The following SLC1A3 variants were observed in gnomAD, a reference collection of about 807,000 sequenced individuals.
SLC1A3 encodes the protein solute carrier family 1 member 3, also known as excitatory amino acid transporter 1.
Under a neutral mutation model 48.1 loss-of-function variants are expected in SLC1A3, and 21 were observed. That is an observed-to-expected ratio of 0.44 (90% CI 0.31 to 0.63). SLC1A3 has a LOEUF of 0.63. Among genes scored for constraint, SLC1A3 ranks in the 20% least tolerant of loss-of-function variants. The pLI, the probability that SLC1A3 is intolerant of heterozygous loss-of-function variation, is 0.08. For missense variants in SLC1A3, 546 were observed against 689.0 expected, an observed-to-expected ratio of 0.79 and a Z score of 2.32; for synonymous variants, 239 against 251.4, an observed-to-expected ratio of 0.95 and a Z score of 0.47.
At position 36,683,764 on chromosome 5, in the gene SLC1A3, T is replaced by C. The variant is rs562378109; in HGVS notation, c.1290-100T>C. The C allele has an allele frequency of 1.5e-4, 204 of 1,319,824 alleles. 3 individuals carry two copies. The East Asian group carries it at 4.6e-3, about 30-fold the overall frequency. 81.8% of individuals were successfully genotyped at this position (1,319,824 alleles called of 1,614,324 possible). On this transcript the variant is annotated intron_variant, in intron 8 of 9. Transcript: ENST00000265113. ...CTGAAGCGCGTCCTCTTGTGTTACA[T>C]GGCAAGTCAGGCATCGGCACCGTGC...
At chr5:36,674,300 G>A (rs1018347566) in intron 5 of SLC1A3, among the ~76,000 whole-genome samples, 2 of 152,134 alleles carry the variant, frequency 1.3e-5, no homozygotes, top group African/African-American at 4.8e-5. Flanking sequence ...CAGACACAGT[G>A]TGTCTTGCAT....
In SLC1A3 at chr5:36,663,253, T is replaced by A. The variant is rs368166735; in HGVS notation, c.320-7776T>A. Among the ~76,000 whole-genome samples the A allele has an allele frequency of 1.4e-4, 22 of 152,228 alleles. No individual in the cohort carries two copies. The South Asian group carries it at 1.9e-3, about 13-fold the overall frequency. The stretch of plus-strand genomic sequence containing the variant: ...TTTTTAGAGACGGAGTCTCGCTCTG[T>A]CCCCCAGGCTGGAGTGCAGTAGCGT... On this transcript the variant is annotated intron_variant, in intron 3 of 9. Transcript: ENST00000265113.
chr5:36,623,500 T>C (rs1388209034), intron 2 of SLC1A3, among the ~76,000 whole-genome samples: 1 of 152,074 alleles, frequency 6.6e-6, no homozygotes, highest in African/African-American at 2.4e-5. Flanking sequence ...TCAATGTGTT[T>C]CAAATAAGTG....
At chr5:36,629,358 C>T in intron 2 of SLC1A3, 92 bp from the exon 3 acceptor site, 1 of 1,101,900 alleles carries the variant, frequency 9.1e-7, no homozygotes, top group South Asian at 1.4e-5. Context: ...ATACAACCAC[C>T]AGCCAAATAC....
chr5:36,597,323 T>C (rs1421648629), intron 1 of SLC1A3, among the ~76,000 whole-genome samples: 2 of 127,920 alleles, frequency 1.6e-5, no homozygotes, highest in Admixed American at 2.0e-4. Flanking sequence ...CTCGGCTCAC[T>C]GCAAGCTCCG....
rs142170758 is a variant in SLC1A3, at chr5:36,646,621, A to G, written c.319+17034A>G. Among the ~76,000 whole-genome samples, 679 of 152,300 alleles carry G rather than the reference A, an allele frequency of 4.5e-3. 6 individuals are homozygous for G. The highest frequency in any genetic ancestry group is 0.016 in the African/African-American group (653 of 41,560). On this transcript the variant is annotated intron_variant, in intron 3 of 9. Coordinates refer to ENST00000265113, the MANE Select transcript of SLC1A3 (RefSeq NM_004172.5). ...CGTCTCCATTTTGATGAAGGCTTGCAGTCAAGGTCCTCAGTGTGTGTTAGA... is the reference window on the plus strand; with the variant it reads ...CGTCTCCATTTTGATGAAGGCTTGCGGTCAAGGTCCTCAGTGTGTGTTAGA...
In SLC1A3 at chr5:36,613,267, C is replaced by T. The variant is rs1271201025; in HGVS notation, c.181+4663C>T. 16 of 182,600 alleles carry T rather than the reference C, an allele frequency of 8.8e-5. No individual in the cohort carries two copies. In the South Asian group the frequency reaches 1.2e-3, roughly 14 times the overall value. The allele number at this position is 182,600 out of a possible 1,614,324, so 11.3% of individuals were successfully genotyped here. A position where few individuals can be genotyped will look rare whatever the true frequency, so the allele number is the denominator to read the frequency against. ...TTCAAGTGAATAAGGATCAGTGAAT[C>T]GGGCTATCCTACTGCATAAATGAGT... On this transcript the variant is annotated intron_variant, in intron 2 of 9. Transcript: ENST00000265113.
chr5:36,618,115 A>G (rs1193567798), intron 2 of SLC1A3, among the ~76,000 whole-genome samples: 1 of 152,208 alleles, frequency 6.6e-6, no homozygotes, highest in Non-Finnish European at 1.5e-5. Flanking sequence ...GTGCATTGGA[A>G]AACTGCAATT....
At chr5:36,606,577 A>C (rs1738947575), upstream of SLC1A3, 2 of 152,192 alleles carry the variant, frequency 1.3e-5, no homozygotes, top group Admixed American at 1.3e-4. Context: ...CCCTTTTCTT[A>C]AGTTGCCCTG....
rs371866521 is a variant in SLC1A3, at chr5:36,680,455, C to T, written c.1155C>T (p.Arg385=). Residue 385 remains arginine, a synonymous_variant, in exon 8 of 10, where the codon CGC becomes CGT. Transcript: ENST00000265113. ...CLEENNGVDK[R]VTRFVLPVGA... Reference sequence around the variant, plus strand: ...AAGAGAACAATGGCGTGGACAAGCGCGTCACCAGATTCGTGCTCCCCGTAG... The same window carrying T: ...AAGAGAACAATGGCGTGGACAAGCGTGTCACCAGATTCGTGCTCCCCGTAG... The T allele has an allele frequency of 2.3e-5, 37 of 1,614,182 alleles. No individual in the cohort carries two copies. Among genetic ancestry groups the T allele is most frequent in the East Asian group, 1.8e-4 (8 of 44,878 alleles).
upstream of SLC1A3, among the ~76,000 whole-genome samples, chr5:36,601,852 G>A (rs762072301): frequency 1.6e-4 from 25 of 151,838 alleles, no homozygotes; most frequent in Non-Finnish European, 3.1e-4. Context: ...TCTTAGAATT[G>A]GAAATGGACT....
chr5:36,622,665 T>G (rs897085395), intron 2 of SLC1A3, among the ~76,000 whole-genome samples: 3 of 152,198 alleles, frequency 2.0e-5, no homozygotes, highest in African/African-American at 7.2e-5. Context: ...GGCTCCAGTG[T>G]GCACGTTGTG....
intron 3 of SLC1A3, among the ~76,000 whole-genome samples, chr5:36,652,917 T>C (rs1398462074): frequency 1.3e-5 from 2 of 152,246 alleles, no homozygotes; most frequent in Non-Finnish European, 2.9e-5. Flanking sequence ...GGTACAATAC[T>C]GAACATTCAA....
chr5:36,614,836 G>T (rs1739365270), intron 2 of SLC1A3, among the ~76,000 whole-genome samples: 1 of 152,162 alleles, frequency 6.6e-6, no homozygotes, highest in African/African-American at 2.4e-5. Context: ...GTTTCCAAGA[G>T]AGTTGGGAAA....
Position 36,679,687 on chromosome 5 carries a change from G to A in SLC1A3, c.921G>A (p.Met307Ile), listed in dbSNP as rs761842691. Residue 307 changes from methionine (M) to isoleucine (I), a missense_variant, in exon 7 of 10, where the codon ATG becomes ATA. By Grantham distance (10) the Met-to-Ile change is conservative (BLOSUM62 1). This residue lies in a region of SLC1A3 where 348 missense variants were observed against 392.0 expected (regional missense o/e 0.89). Coordinates refer to ENST00000265113, the MANE Select transcript of SLC1A3 (RefSeq NM_004172.5). Reference protein sequence around the residue: ...IAGKIVEMEDMGVIGGQLAMY... With the variant: ...IAGKIVEMEDIGVIGGQLAMY... ...GGAAGATTGTGGAGATGGAAGACAT[G>A]GGTGTGATTGGGGGGCAGCTTGCCA... 8.7e-6 allele frequency: 14 copies of A among 1,614,042 alleles called. No individual in the cohort carries two copies. In the South Asian group the frequency reaches 1.4e-4, roughly 16 times the overall value.
intron 2 of SLC1A3, 124 bp downstream of exon 2, chr5:36,608,728 G>A (rs1002372276): frequency 6.7e-7 from 1 of 1,499,508 alleles, no homozygotes; most frequent in Non-Finnish European, 8.8e-7. Flanking sequence ...GCTTTCCTCT[G>A]AACTTGATGA....
chr5:36,647,225 CT>C (rs1274870990), intron 3 of SLC1A3, among the ~76,000 whole-genome samples: 2 of 152,172 alleles, frequency 1.3e-5, no homozygotes, highest in Admixed American at 6.5e-5. Flanking sequence ...TCATTTGCCT[CT>C]TAAAATACTC....
At chr5:36,610,108 C>T (rs1307646423) in intron 2 of SLC1A3, among the ~76,000 whole-genome samples, 1 of 152,116 alleles carries the variant, frequency 6.6e-6, no homozygotes, top group African/African-American at 2.4e-5. Flanking sequence ...AAGCAATTTG[C>T]CCAAAGTGAC....
intron 2 of SLC1A3, among the ~76,000 whole-genome samples, chr5:36,615,976 T>C (rs1331363205): frequency 6.6e-6 from 1 of 152,186 alleles, no homozygotes; most frequent in Non-Finnish European, 1.5e-5. Context: ...GGCGGGTGGA[T>C]TACTACGTCA....
Sources: allele counts gnomAD v4.1 joint callset (sites outside exome capture counted in the v4.1 genomes callset), GRCh38; gene constraint gnomAD v4.1.1; regional missense constraint gnomAD v4.1.1; transcripts MANE v1.5; gene names NCBI Gene and HGNC (gene_info 2026-07-23, HGNC 2026-07-21).